Variants in CCDC122 observed in about 807,000 individuals in gnomAD.
CCDC122 encodes the protein coiled-coil domain containing 122.
Under a neutral mutation model 37.0 loss-of-function variants are expected in CCDC122, and 38 were observed. The observed-to-expected ratio is 1.03, with a 90% confidence interval of 0.79 to 1.35. The LOEUF is 1.35. Ranked by LOEUF, CCDC122 falls within the 40% of genes most tolerant of loss-of-function variation. The pLI is 0.00. For synonymous variants in CCDC122, 83 were observed against 95.6 expected (o/e 0.87, Z 0.77); for missense variants, 305 against 310.0 (o/e 0.98, Z 0.12).
At chr13:43,847,168 T>G (rs1363177187) in intron 6 of CCDC122, among the ~76,000 whole-genome samples, 1 of 152,226 alleles carries the variant, frequency 6.6e-6, no homozygotes, top group African/African-American at 2.4e-5. Context: ...GTAGGCCAAT[T>G]TGCACCAATA....
At chr13:43,875,869 T>C (rs956872196) in intron 1 of CCDC122, among the ~76,000 whole-genome samples, 1 of 152,226 alleles carries the variant, frequency 6.6e-6, no homozygotes, top group African/African-American at 2.4e-5. Flanking sequence ...ATGCAGGAGA[T>C]TGTGGCTCCC....
At chr13:43,875,706 C>A (rs142717540) in intron 1 of CCDC122, among the ~76,000 whole-genome samples, 1 of 152,188 alleles carries the variant, frequency 6.6e-6, no homozygotes, top group South Asian at 2.1e-4. Context: ...TAACTGGCAT[C>A]TTCCCTAACT....
chr13:43,870,807 C>T (rs1954423177), intron 2 of CCDC122, among the ~76,000 whole-genome samples: 1 of 152,020 alleles, frequency 6.6e-6, no homozygotes, highest in Non-Finnish European at 1.5e-5. Context: ...AGTATTTTGG[C>T]TCCAAAGTTC....
At chr13:43,841,070 C>A (rs1369607043) in intron 6 of CCDC122, among the ~76,000 whole-genome samples, 3 of 152,140 alleles carry the variant, frequency 2.0e-5, no homozygotes, top group Non-Finnish European at 4.4e-5. Flanking sequence ...GAGTGTCGGA[C>A]AGTGGGTGCA....
At chr13:43,862,852 A>C (rs1279668719) in intron 4 of CCDC122, among the ~76,000 whole-genome samples, 1 of 152,050 alleles carries the variant, frequency 6.6e-6, no homozygotes, top group African/African-American at 2.4e-5. Flanking sequence ...ATTGACTATT[A>C]ATTTTTCTTA....
intron 3 of CCDC122, among the ~76,000 whole-genome samples, chr13:43,828,942 T>G (rs557605023): frequency 1.3e-5 from 2 of 152,308 alleles, no homozygotes; most frequent in South Asian, 4.1e-4. Context: ...TTACAAGTGT[T>G]TTGAAGTCCA....
chr13:43,846,734 C>G (rs368532310), intron 6 of CCDC122, among the ~76,000 whole-genome samples: 1 of 152,096 alleles, frequency 6.6e-6, no homozygotes, highest in Non-Finnish European at 1.5e-5. Context: ...CCCAACTGTG[C>G]TCCTTGGAAT....
Position 43,859,674 on chromosome 13 carries a change from G to A in CCDC122, c.553C>T (p.Gln185Ter), listed in dbSNP as rs151119331. Residue 185 changes from glutamine (Q) to a stop codon, truncating the protein, a stop_gained and splice_region_variant, in exon 5 of 7, where the codon CAG (glutamine) becomes TAG (stop). Coordinates refer to ENST00000444614, the MANE Select transcript of CCDC122 (RefSeq NM_144974.5). LOFTEE classifies it high-confidence loss of function. ...NPGGNRITQVQEDITNLKDKI... is the reference protein window; with the variant it reads ...NPGGNRITQV Reference sequence around the variant, plus strand: ...TTTTACTAAGTAATTTTGCACACCTGTACTTGTGTTATTCGGTTCCCTCCT... The same window carrying A: ...TTTTACTAAGTAATTTTGCACACCTATACTTGTGTTATTCGGTTCCCTCCT... 46 of 1,533,222 alleles carry A rather than the reference G, an allele frequency of 3.0e-5. 1 individual carries two copies. The highest frequency in any genetic ancestry group is 9.3e-5 in the Admixed American group (4 of 43,158). The allele number at this position is 1,533,222 out of a possible 1,614,324, so 95.0% of individuals were successfully genotyped here. A position where few individuals can be genotyped will look rare whatever the true frequency, so the allele number is the denominator to read the frequency against.
At chr13:43,851,386 A>T (rs530436963) in intron 6 of CCDC122, among the ~76,000 whole-genome samples, 4 of 152,206 alleles carry the variant, frequency 2.6e-5, no homozygotes, top group African/African-American at 4.8e-5. Flanking sequence ...ATATGACTAT[A>T]TAAGAAGTCT....
chr13:43,859,942 A>C lies in CCDC122; in HGVS notation c.285T>G (p.Thr95=), dbSNP rs1481817297. ...NTKLHCDSLE[T]QIKSLHSENV... ...TTTCTGAATGTAAGGATTTGATTTG[A>C]GTTTCCAGGCTATCACAATGAAGTT... Residue 95 remains threonine (T), a synonymous_variant, in exon 5 of 7, where the codon ACT becomes ACG. Coordinates refer to ENST00000444614, the MANE Select transcript of CCDC122 (RefSeq NM_144974.5). The C allele has an allele frequency of 2.5e-6, 4 of 1,611,330 alleles. No individual in the cohort carries two copies. Among genetic ancestry groups the C allele is most frequent in the African/African-American group, 1.3e-5 (1 of 74,992 alleles).
chr13:43,826,451 A>G (rs1408782014), intron 3 of CCDC122, among the ~76,000 whole-genome samples: 1 of 152,150 alleles, frequency 6.6e-6, no homozygotes, highest in Non-Finnish European at 1.5e-5. Context: ...TGCTATGTAC[A>G]TTATTTCTCA....
At chr13:43,849,673 T>A (rs576124521) in intron 6 of CCDC122, among the ~76,000 whole-genome samples, 15 of 152,314 alleles carry the variant, frequency 9.8e-5, no homozygotes, top group African/African-American at 3.1e-4. Context: ...AGAAAACTTG[T>A]AGGCAGTAAC....
chr13:43,878,429 C>A (rs1366521944), intron 1 of CCDC122, among the ~76,000 whole-genome samples: 1 of 152,148 alleles, frequency 6.6e-6, no homozygotes, highest in African/African-American at 2.4e-5. Flanking sequence ...GGGTGGGTTT[C>A]CATTCTGGGT....
At chr13:43,863,052 T>C (rs1954162620) in intron 4 of CCDC122, among the ~76,000 whole-genome samples, 1 of 152,082 alleles carries the variant, frequency 6.6e-6, no homozygotes, top group Non-Finnish European at 1.5e-5. Context: ...TATAAATACA[T>C]ATTCGAACTT....
chr13:43,821,643 T>C (rs575007893), downstream of CCDC122, among the ~76,000 whole-genome samples: 1 of 152,336 alleles, frequency 6.6e-6, no homozygotes, highest in South Asian at 2.1e-4. Context: ...GGCTATTTTG[T>C]AGATCTTTTA....
intron 6 of CCDC122, among the ~76,000 whole-genome samples, chr13:43,848,003 G>C (rs771710533): frequency 4.6e-5 from 7 of 152,074 alleles, no homozygotes; most frequent in Non-Finnish European, 8.8e-5. Context: ...TCAAACTCTT[G>C]GGCTCAAGTG....
At position 43,860,008 on chromosome 13, in the gene CCDC122, TTC is replaced by T. The variant is rs1338303780; in HGVS notation, c.217_218del (p.Glu73LysfsTer18). 12 of 1,585,834 alleles carry T rather than the reference TTC, an allele frequency of 7.6e-6. No individual in the cohort carries two copies. Among genetic ancestry groups the T allele is most frequent in the African/African-American group, 1.3e-5 (1 of 74,074 alleles). On this transcript the variant is annotated frameshift_variant, in exon 5 of 7. Transcript: ENST00000444614. LOFTEE classifies it high-confidence loss of function. ...CAGAATCTTGTTGATAAATTTGTCTTTCTGTTTCTTTAGTTTCTGCAGAGATA... is the reference window on the plus strand; with the variant it reads ...CAGAATCTTGTTGATAAATTTGTCTTTGTTTCTTTAGTTTCTGCAGAGATA... ...AAISAETKET[E>X]RQIYQQDSAI...
intron 6 of CCDC122, chr13:43,848,828 C>A (rs9525854): frequency 0.088 from 81,316 of 921,602 alleles, 3,773 homozygotes; most frequent in African/African-American, 0.1. Flanking sequence ...TGCTGTAGTC[C>A]AGGCAAAAGA....
chr13:43,841,955 C>T (rs1953369367), intron 6 of CCDC122, among the ~76,000 whole-genome samples: 1 of 152,204 alleles, frequency 6.6e-6, no homozygotes, highest in African/African-American at 2.4e-5. Context: ...CATCCTCCTG[C>T]CTTGGCCTCC....
Sources: allele counts gnomAD v4.1 joint callset (sites outside exome capture counted in the v4.1 genomes callset), GRCh38; gene constraint gnomAD v4.1.1; transcripts MANE v1.5; gene names NCBI Gene and HGNC (gene_info 2026-07-23, HGNC 2026-07-21).